The following KHDRBS2 variants were observed in gnomAD, a reference collection of about 807,000 sequenced individuals.
KHDRBS2 encodes KH domain-containing, RNA-binding, signal transduction-associated protein 2.
Under a neutral mutation model 44.3 loss-of-function variants are expected in KHDRBS2, and 26 were observed. The ratio of observed to expected loss-of-function variants is 0.59; its 90% CI spans 0.43 to 0.81. The LOEUF is 0.81. Ranked by LOEUF, KHDRBS2 falls within the 40% of genes least tolerant of loss-of-function variation. The pLI, the probability that KHDRBS2 is intolerant of heterozygous loss-of-function variation, is 0.00. For synonymous variants in KHDRBS2, 194 were observed against 151.1 expected (o/e 1.28, Z -2.08); for missense variants, 476 against 433.1 (o/e 1.10, Z -0.88).
At chr6:61,592,188 C>CAAAAAAAAAA in the KHDRBS2 span, among the ~76,000 whole-genome samples, 4 of 122,276 alleles carry the variant, frequency 3.3e-5, no homozygotes, top group Non-Finnish European at 6.8e-5. Context: ...AAGATCCCAC[C>CAAAAAAAAAA]AAAAAAAAAA....
Position 61,901,263 on chromosome 6 carries a change from C to G in KHDRBS2, c.592G>C (p.Ala198Pro), listed in dbSNP as rs760826291. The change falls in exon 5 of 9, where the codon GCT (alanine) becomes CCT (proline). Residue 198 changes from alanine (A) to proline (P), a missense_variant. Physicochemically the swap from Ala to Pro is conservative, Grantham distance 27. Coordinates refer to ENST00000281156, the MANE Select transcript of KHDRBS2 (RefSeq NM_152688.4). ...RGIRGRGIRI[A>P]PTAPSRGRGG... ...ATGTACCTTGAAGGAGCTGTGGGAG[C>G]TATTCTGATCCCTCTGCCTCTAATA... is the stretch of plus-strand genomic sequence containing the variant. The G allele has an allele frequency of 3.7e-6, 6 of 1,613,124 alleles. No individual in the cohort carries two copies. The highest frequency in any genetic ancestry group is 5.1e-6 in the Non-Finnish European group (6 of 1,179,558).
At chr6:61,584,800 G>A in the KHDRBS2 span, among the ~76,000 whole-genome samples, 1 of 151,654 alleles carries the variant, frequency 6.6e-6, no homozygotes, top group Non-Finnish European at 1.5e-5. Context: ...ATATTCAGTG[G>A]TATCAGAAAT....
chr6:61,900,556 CAAA>C (rs1803793002), intron 5 of KHDRBS2, among the ~76,000 whole-genome samples: 1 of 152,082 alleles, frequency 6.6e-6, no homozygotes, highest in Non-Finnish European at 1.5e-5. Context: ...AATTCTAATA[CAAA>C]AAGATAGCAA....
intron 7 of KHDRBS2, among the ~76,000 whole-genome samples, chr6:61,720,784 T>G (rs1316724342): frequency 2.0e-5 from 3 of 151,690 alleles, no homozygotes; most frequent in South Asian, 2.1e-4. Flanking sequence ...TTAGTTTAAT[T>G]AGATCCCATT....
chr6:62,132,844 A>G (rs755872001), intron 2 of KHDRBS2, among the ~76,000 whole-genome samples: 2 of 152,210 alleles, frequency 1.3e-5, no homozygotes, highest in East Asian at 1.9e-4. Flanking sequence ...CCCAGAAATC[A>G]TATATCATAA....
At chr6:62,131,279 TTTG>T (rs1810257006) in intron 2 of KHDRBS2, among the ~76,000 whole-genome samples, 1 of 152,196 alleles carries the variant, frequency 6.6e-6, no homozygotes, top group Non-Finnish European at 1.5e-5. Context: ...AGCTTTCTCA[TTTG>T]TTAAGTGAAG....
chr6:61,974,904 C>G lies in KHDRBS2; in HGVS notation c.483+3162G>C, dbSNP rs1772211056. ...CGAGATCGTTCCATTGCATTCCAGC[C>G]TGGGCGACATAGCAAGACTCCATCT... On this transcript the variant is annotated intron_variant, in intron 4 of 8. Transcript: ENST00000281156. 2.0e-5 allele frequency among the ~76,000 whole-genome samples: 3 copies of G among 151,184 alleles called. No individual in the cohort carries two copies. The Admixed American group carries it at 2.0e-4, about 10-fold the overall frequency.
At chr6:61,672,490 C>A in the KHDRBS2 span, among the ~76,000 whole-genome samples, 25 of 152,238 alleles carry the variant, frequency 1.6e-4, no homozygotes, top group East Asian at 3.5e-3. Flanking sequence ...TATTTCTCCA[C>A]ATCCTCTCCA....
At chr6:62,182,426 G>A (rs1379185756) in intron 1 of KHDRBS2, among the ~76,000 whole-genome samples, 1 of 151,914 alleles carries the variant, frequency 6.6e-6, no homozygotes, top group Admixed American at 6.6e-5. Context: ...TGTATTGTTG[G>A]CTTAAAAATT....
chr6:61,819,531 G>T (rs1319500006), intron 6 of KHDRBS2, among the ~76,000 whole-genome samples: 1 of 151,720 alleles, frequency 6.6e-6, no homozygotes, highest in Non-Finnish European at 1.5e-5. Context: ...TGTGTTTTCG[G>T]CATTTTGTTG....
chr6:62,191,422 T>C (rs181496248), intron 1 of KHDRBS2, among the ~76,000 whole-genome samples: 4 of 152,228 alleles, frequency 2.6e-5, no homozygotes, highest in Admixed American at 2.0e-4. Context: ...TTAATACTCA[T>C]TTTGCATGAC....
chr6:62,025,108 C>G (rs1049289035), intron 3 of KHDRBS2, among the ~76,000 whole-genome samples: 1 of 151,614 alleles, frequency 6.6e-6, no homozygotes, highest in African/African-American at 2.4e-5. Context: ...TAGCAAATTT[C>G]TTTAAATTTG....
intron 2 of KHDRBS2, among the ~76,000 whole-genome samples, chr6:62,101,354 GCTTT>G (rs1157930113): frequency 6.6e-6 from 1 of 152,146 alleles, no homozygotes; most frequent in African/African-American, 2.4e-5. Flanking sequence ...ATTATGTAGG[GCTTT>G]CTAAGTAACT....
At chr6:61,583,775 G>T in the KHDRBS2 span, among the ~76,000 whole-genome samples, 1 of 151,450 alleles carries the variant, frequency 6.6e-6, no homozygotes, top group Non-Finnish European at 1.5e-5. Flanking sequence ...TATTGAACCT[G>T]TACTGAACAT....
At position 61,954,851 on chromosome 6, in the gene KHDRBS2, C is replaced by CAT. The variant is rs1562513872; in HGVS notation, c.483+23213_483+23214dup. ...ACATGCATATGTATGTATACATATG[C>CAT]ATGTGTATATACACATACATATGTG... is the stretch of plus-strand genomic sequence containing the variant. On this transcript the variant is annotated intron_variant, in intron 4 of 8. Coordinates refer to ENST00000281156, the MANE Select transcript of KHDRBS2 (RefSeq NM_152688.4). 6.1e-4 allele frequency among the ~76,000 whole-genome samples: 24 copies of CAT among 39,240 alleles called. 2 individuals are homozygous for CAT. Among genetic ancestry groups the CAT allele is most frequent in the South Asian group, 5.1e-3 (6 of 1,180 alleles). The allele number at this position is 39,240 out of a possible 152,430, so 25.7% of individuals were successfully genotyped here.
At chr6:61,926,398 C>T (rs1808982219) in intron 4 of KHDRBS2, among the ~76,000 whole-genome samples, 1 of 152,020 alleles carries the variant, frequency 6.6e-6, no homozygotes, top group Non-Finnish European at 1.5e-5. Flanking sequence ...ATTACAAAGG[C>T]TTTTTATCTA....
chr6:61,703,996 T>C (rs956278123), intron 7 of KHDRBS2, among the ~76,000 whole-genome samples: 2 of 151,896 alleles, frequency 1.3e-5, no homozygotes, highest in Non-Finnish European at 2.9e-5. Context: ...GGGAAACCTA[T>C]ACCTATGGAA....
At chr6:61,682,724 ATGT>A (rs1318103508) in intron 8 of KHDRBS2, among the ~76,000 whole-genome samples, 2 of 151,974 alleles carry the variant, frequency 1.3e-5, no homozygotes, top group Non-Finnish European at 2.9e-5. Context: ...GAAAATGCAG[ATGT>A]TGGTCTTTCT....
chr6:61,749,622 A>G (rs1777371756), intron 6 of KHDRBS2, among the ~76,000 whole-genome samples: 1 of 152,292 alleles, frequency 6.6e-6, no homozygotes, highest in Admixed American at 6.5e-5. Flanking sequence ...CAGTTTTTCA[A>G]TAAATGAGAT....
Sources: gnomAD v4.1 joint callset for allele counts (sites outside exome capture counted in the v4.1 genomes callset) on GRCh38, gnomAD v4.1.1 for gene constraint, MANE v1.5 for transcripts, NCBI Gene and HGNC (gene_info 2026-07-23, HGNC 2026-07-21) for gene names.